Variants in SCD5 observed in about 807,000 individuals in gnomAD.
SCD5 encodes the protein acyl-CoA-desaturase 4.
Under a neutral mutation model 30.4 loss-of-function variants are expected in SCD5, and 20 were observed. The observed-to-expected ratio is 0.66, with a 90% confidence interval of 0.46 to 0.96. SCD5 has a LOEUF of 0.96. Ranked by LOEUF, SCD5 falls within the 40% of genes least tolerant of loss-of-function variation. The pLI, the probability that SCD5 is intolerant of heterozygous loss-of-function variation, is 0.00. For synonymous variants in SCD5, 173 were observed against 176.4 expected, an observed-to-expected ratio of 0.98 and a Z score of 0.16; for missense variants, 381 against 443.3, an observed-to-expected ratio of 0.86 and a Z score of 1.26.
chr4:82,745,420 G>A (rs1038556217), intron 1 of SCD5, among the ~76,000 whole-genome samples: 1 of 152,216 alleles, frequency 6.6e-6, no homozygotes, highest in Non-Finnish European at 1.5e-5. Context: ...AACAAGGAGA[G>A]ACATGAATGG....
chr4:82,671,209 T>C (rs1293569396), intron 3 of SCD5, among the ~76,000 whole-genome samples: 1 of 152,172 alleles, frequency 6.6e-6, no homozygotes, highest in Non-Finnish European at 1.5e-5. Flanking sequence ...TTAATGTGTA[T>C]GCACCTAACT....
chr4:82,774,851 T>C (rs1209999783), intron 1 of SCD5, among the ~76,000 whole-genome samples: 1 of 152,158 alleles, frequency 6.6e-6, no homozygotes, highest in Admixed American at 6.5e-5. Flanking sequence ...ATGGAGGAAT[T>C]TGGAATTTGA....
At chr4:82,657,531 G>A (rs536282460) in intron 3 of SCD5, among the ~76,000 whole-genome samples, 9 of 152,182 alleles carry the variant, frequency 5.9e-5, no homozygotes, top group Non-Finnish European at 8.8e-5. Flanking sequence ...GTCAGGCAGC[G>A]TGATGCCTCC....
intron 2 of SCD5, among the ~76,000 whole-genome samples, chr4:82,702,436 C>T (rs1036676903): frequency 1.4e-4 from 22 of 152,022 alleles, no homozygotes; most frequent in African/African-American, 1.9e-4. Context: ...TGAGCCACCA[C>T]GCCCAGCCCA....
intron 1 of SCD5, among the ~76,000 whole-genome samples, chr4:82,726,732 A>G: frequency 6.6e-6 from 1 of 152,152 alleles, no homozygotes. Flanking sequence ...CACGATCCAA[A>G]CTGAAGTGTT....
intron 2 of SCD5, among the ~76,000 whole-genome samples, chr4:82,704,673 C>A (rs1719931183): frequency 6.6e-6 from 1 of 152,184 alleles, no homozygotes; most frequent in Non-Finnish European, 1.5e-5. Flanking sequence ...TGATTCACAG[C>A]CAGCACCCAT....
intron 1 of SCD5, among the ~76,000 whole-genome samples, chr4:82,751,751 C>T (rs986231028): frequency 6.6e-6 from 1 of 152,120 alleles, no homozygotes. Context: ...CTCAGCCTAC[C>T]GAGTAGCTGG....
intron 2 of SCD5, among the ~76,000 whole-genome samples, chr4:82,695,635 A>G (rs1719681773): frequency 6.6e-6 from 1 of 152,216 alleles, no homozygotes; most frequent in Non-Finnish European, 1.5e-5. Flanking sequence ...AGGACATCCA[A>G]TAAGAGATGT....
chr4:82,793,250 A>G (rs1722137578), intron 1 of SCD5, among the ~76,000 whole-genome samples: 1 of 152,230 alleles, frequency 6.6e-6, no homozygotes, highest in Admixed American at 6.5e-5. Context: ...ACTCTAAGAG[A>G]TTCAAAGAAA....
At chr4:82,699,765 G>A (rs188675970) in intron 2 of SCD5, among the ~76,000 whole-genome samples, 4 of 151,556 alleles carry the variant, frequency 2.6e-5, no homozygotes, top group South Asian at 2.1e-4. Context: ...AGGTTCAAGC[G>A]ATTCTCCTGC....
At chr4:82,734,438 C>A (rs941177949) in intron 1 of SCD5, among the ~76,000 whole-genome samples, 1 of 152,188 alleles carries the variant, frequency 6.6e-6, no homozygotes, top group Non-Finnish European at 1.5e-5. Flanking sequence ...TACGTATAAT[C>A]GAGGAAATTT....
At chr4:82,638,632 A>T (rs1395554605) in intron 3 of SCD5, among the ~76,000 whole-genome samples, 1 of 152,206 alleles carries the variant, frequency 6.6e-6, no homozygotes, top group Non-Finnish European at 1.5e-5. Context: ...CTCTGCAGGC[A>T]TCTCAAGCAG....
chr4:82,676,776 C>T lies in SCD5; in HGVS notation c.569+3931G>A, dbSNP rs190504644. Among the ~76,000 whole-genome samples the T allele has an allele frequency of 1.3e-3, 195 of 152,332 alleles. 1 individual carries two copies. Among genetic ancestry groups the T allele is most frequent in the African/African-American group, 4.6e-3 (192 of 41,568 alleles). ...TAAGTCATAAGACCTAGGACAGGGG[C>T]CCTAGTTGCCAGAGCCTAAAGGCAA... On this transcript the variant is annotated intron_variant, in intron 3 of 4. Transcript: ENST00000319540.
At chr4:82,757,106 C>T (rs954391687) in intron 1 of SCD5, among the ~76,000 whole-genome samples, 1 of 152,140 alleles carries the variant, frequency 6.6e-6, no homozygotes, top group Non-Finnish European at 1.5e-5. Flanking sequence ...TAGTGTGACA[C>T]ATAAGGAGCC....
chr4:82,729,937 T>C (rs1259535930), intron 1 of SCD5, among the ~76,000 whole-genome samples: 2 of 152,272 alleles, frequency 1.3e-5, no homozygotes, highest in African/African-American at 2.4e-5. Context: ...TCCCACAACT[T>C]GCTGCCTTAG....
At chr4:82,693,960 G>T (rs1387799353) in intron 2 of SCD5, among the ~76,000 whole-genome samples, 1 of 152,222 alleles carries the variant, frequency 6.6e-6, no homozygotes, top group Non-Finnish European at 1.5e-5. Context: ...TCACAAGAGG[G>T]AATGCGGAGG....
rs1449213647 is a variant in SCD5, at chr4:82,680,796, A to C, written c.480T>G (p.Phe160Leu). 6.2e-7 allele frequency: 1 copy of C among 1,613,778 alleles called. No individual in the cohort carries two copies. Among genetic ancestry groups the C allele is most frequent in the Non-Finnish European group, 8.5e-7 (1 of 1,180,018 alleles). Residue 160 changes from phenylalanine to leucine, a missense_variant, in exon 3 of 5, where the codon TTT becomes TTG. Phe to Leu is a conservative substitution (Grantham distance 22). Coordinates refer to ENST00000319540, the MANE Select transcript of SCD5 (RefSeq NM_001037582.3). ...CAATAACATCTCGATGCTTGCGAAC[A>C]AACAGCCACCCAATATGGGAGAAGA... ...GFFFSHIGWLFVRKHRDVIEK... is the reference protein window; with the variant it reads ...GFFFSHIGWLLVRKHRDVIEK...
intron 4 of SCD5, among the ~76,000 whole-genome samples, chr4:82,635,310 C>T (rs1727400268): frequency 6.6e-6 from 1 of 152,196 alleles, no homozygotes; most frequent in South Asian, 2.1e-4. Flanking sequence ...CCTAAGAACA[C>T]ATGACTAGCA....
At chr4:82,779,772 C>T (rs2148850928) in intron 1 of SCD5, among the ~76,000 whole-genome samples, 1 of 152,258 alleles carries the variant, frequency 6.6e-6, no homozygotes, top group Middle Eastern at 3.4e-3. Context: ...CATTCCTTAC[C>T]CAAAACCTTG....
Sources: allele counts gnomAD v4.1 joint callset (sites outside exome capture counted in the v4.1 genomes callset), GRCh38; gene constraint gnomAD v4.1.1; transcripts MANE v1.5; gene names NCBI Gene and HGNC (gene_info 2026-07-23, HGNC 2026-07-21).